TSPAN7: variants seen among roughly 807,000 people sequenced by gnomAD.
TSPAN7 encodes tetraspanin-7.
Under a neutral mutation model 17.6 loss-of-function variants are expected in TSPAN7, and 1 was observed. The observed-to-expected ratio is 0.06, with a 90% CI of 0.02 to 0.27. The LOEUF is 0.27. TSPAN7 is among the 10% of genes least tolerant of loss of function. TSPAN7 has a pLI of 1.00. For missense variants in TSPAN7, 112 were observed against 201.7 expected (o/e 0.56, Z 2.69); for synonymous variants, 78 against 79.0 (o/e 0.99, Z 0.07).
intron 1 of TSPAN7, among the ~76,000 whole-genome samples, chrX:38,576,277 T>G (rs1208404272): frequency 1.8e-5 from 2 of 110,921 alleles, no homozygotes; most frequent in Non-Finnish European, 3.8e-5. Context: ...CCTATTGGAG[T>G]GGGAATGAAG....
intron 1 of TSPAN7, 41 bp from the exon 2 acceptor site, chrX:38,666,080 T>G: frequency 3.3e-6 from 4 of 1,196,511 alleles, no homozygotes; most frequent in East Asian, 3.0e-5. Context: ...GATTCTCACC[T>G]CTCTTGGCAA....
At chrX:38,615,951 G>C (rs369343563) in intron 1 of TSPAN7, among the ~76,000 whole-genome samples, 5 of 111,992 alleles carry the variant, frequency 4.5e-5, no homozygotes, top group African/African-American at 9.7e-5. Context: ...TTCAGAGTCA[G>C]ATCTAGGTTT....
chrX:38,586,609 C>G (rs185372287), intron 1 of TSPAN7, among the ~76,000 whole-genome samples: 14 of 112,065 alleles, frequency 1.2e-4, no homozygotes, highest in African/African-American at 3.9e-4. Context: ...CTTGAAAAAT[C>G]ATTTATTGAA....
chrX:38,631,438 G>C (rs2069550661), intron 1 of TSPAN7, among the ~76,000 whole-genome samples: 1 of 111,436 alleles, frequency 9.0e-6, no homozygotes, highest in African/African-American at 3.3e-5. Flanking sequence ...TAAAACAAAG[G>C]TGTGCTCAGA....
chrX:38,575,627 A>C (rs2069190155), intron 1 of TSPAN7, among the ~76,000 whole-genome samples: 1 of 112,136 alleles, frequency 8.9e-6, no homozygotes, highest in Non-Finnish European at 1.9e-5. Context: ...AAATGCTCAA[A>C]TATAAAAATA....
At chrX:38,600,799 A>G (rs1168133848) in intron 1 of TSPAN7, among the ~76,000 whole-genome samples, 2 of 111,830 alleles carry the variant, frequency 1.8e-5, no homozygotes, top group African/African-American at 6.5e-5. Flanking sequence ...TTCTAATAGC[A>G]ATGGGCATTA....
intron 1 of TSPAN7, among the ~76,000 whole-genome samples, chrX:38,572,203 G>A: frequency 9.0e-6 from 1 of 111,613 alleles, no homozygotes; most frequent in Non-Finnish European, 1.9e-5. Context: ...GAAACATAGT[G>A]GTGTTTTGGT....
At chrX:38,638,100 ACT>A (rs1414398355) in intron 1 of TSPAN7, among the ~76,000 whole-genome samples, 3 of 111,504 alleles carry the variant, frequency 2.7e-5, no homozygotes, top group Non-Finnish European at 5.7e-5. Context: ...TCCCTGGCTA[ACT>A]CTGCAAAGCA....
rs756396079 is a variant in TSPAN7 at position 38,671,403 on chromosome X, C to T, written c.298C>T (p.Leu100=). The T allele has an allele frequency of 2.6e-5, 31 of 1,209,588 alleles. 1 individual carries two copies. The highest frequency in any genetic ancestry group is 3.0e-5 in the Non-Finnish European group (27 of 895,038). ...LYAMFLSLVF[L]AELVAGISGF... is the part of the protein sequence containing the mutation. Reference sequence around the variant, plus strand: ...TGCCATGTTTCTGTCCCTGGTGTTCCTGGCTGAGCTCGTAGCTGGCATTTC... The same window carrying T: ...TGCCATGTTTCTGTCCCTGGTGTTCTTGGCTGAGCTCGTAGCTGGCATTTC... Residue 100 remains leucine (L), a synonymous_variant, in exon 3 of 8, where the codon CTG becomes TTG. Transcript: ENST00000378482.
At chrX:38,626,832 G>C (rs1345373729) in intron 1 of TSPAN7, among the ~76,000 whole-genome samples, 1 of 111,125 alleles carries the variant, frequency 9.0e-6, no homozygotes, top group Non-Finnish European at 1.9e-5. Context: ...GATTTGGTGG[G>C]GGGGTGCCTA....
At chrX:38,638,075 A>C (rs780031748) in intron 1 of TSPAN7, among the ~76,000 whole-genome samples, 2 of 111,510 alleles carry the variant, frequency 1.8e-5, no homozygotes, top group Admixed American at 9.5e-5. Flanking sequence ...CCTACTTTGT[A>C]GGGCATGGCA....
chrX:38,667,130 C>T (rs2069787897), intron 2 of TSPAN7, among the ~76,000 whole-genome samples: 1 of 111,678 alleles, frequency 9.0e-6, no homozygotes, highest in Admixed American at 9.5e-5. Context: ...AAGCCAGAGC[C>T]TGCCACCCAG....
At chrX:38,644,761 C>T (rs1327469156) in intron 1 of TSPAN7, among the ~76,000 whole-genome samples, 1 of 112,357 alleles carries the variant, frequency 8.9e-6, no homozygotes, top group Non-Finnish European at 1.9e-5. Flanking sequence ...TAGTAGCTAA[C>T]ATTGATTGAA....
At chrX:38,633,245 A>G (rs1168617641) in intron 1 of TSPAN7, among the ~76,000 whole-genome samples, 3 of 112,213 alleles carry the variant, frequency 2.7e-5, no homozygotes, top group Non-Finnish European at 5.6e-5. Context: ...TAGTTTTTCT[A>G]TTAAGGAGCT....
chrX:38,622,201 C>G (rs954165978), intron 1 of TSPAN7, among the ~76,000 whole-genome samples: 4 of 112,209 alleles, frequency 3.6e-5, no homozygotes, highest in African/African-American at 9.7e-5. Context: ...AGGATCTATA[C>G]TTTCTTTGAT....
intron 1 of TSPAN7, among the ~76,000 whole-genome samples, chrX:38,655,480 CAGTTTTTA>C (rs766996248): frequency 4.6e-5 from 5 of 108,332 alleles, no homozygotes; most frequent in Middle Eastern, 4.8e-3. Context: ...TCACTAATAC[CAGTTTTTA>C]AGTTTTTTTT....
intron 1 of TSPAN7, among the ~76,000 whole-genome samples, chrX:38,571,329 A>C (rs2147395220): frequency 9.0e-6 from 1 of 111,360 alleles, no homozygotes; most frequent in East Asian, 2.8e-4. Context: ...CCCCATCCTA[A>C]GAGATTCTGA....
chrX:38,642,701 G>C (rs1272935651), intron 1 of TSPAN7, among the ~76,000 whole-genome samples: 1 of 111,946 alleles, frequency 8.9e-6, no homozygotes, highest in East Asian at 2.8e-4. Flanking sequence ...CAGCTGGAGG[G>C]CAGTGGTTAA....
intron 1 of TSPAN7, among the ~76,000 whole-genome samples, chrX:38,576,600 G>C (rs1296508588): frequency 2.7e-5 from 3 of 111,819 alleles, no homozygotes; most frequent in Non-Finnish European, 5.6e-5. Context: ...TGTGCCTCTT[G>C]GACAGCAATG....
Sources: gnomAD v4.1 joint callset for allele counts (sites outside exome capture counted in the v4.1 genomes callset) on GRCh38, gnomAD v4.1.1 for gene constraint, MANE v1.5 for transcripts, NCBI Gene and HGNC (gene_info 2026-07-23, HGNC 2026-07-21) for gene names.